The following ACOT12 variants were observed in gnomAD, a reference collection of about 807,000 sequenced individuals.
ACOT12 encodes the protein acyl-CoA thioesterase 12, also known as acetyl-coenzyme A thioesterase.
ACOT12 carries 51 observed loss-of-function variants against 67.7 expected under a neutral mutation model. That is an observed-to-expected ratio of 0.75 (90% CI 0.60 to 0.95). The LOEUF is 0.95. ACOT12 is among the 40% of genes least tolerant of loss of function. The pLI, the probability that ACOT12 is intolerant of heterozygous loss-of-function variation, is 0.00. For missense variants in ACOT12, 734 were observed against 708.1 expected (o/e 1.04, Z -0.41); for synonymous variants, 251 against 244.6 (o/e 1.03, Z -0.24).
At chr5:81,354,353 G>C (rs977590462) in intron 5 of ACOT12, among the ~76,000 whole-genome samples, 1 of 152,164 alleles carries the variant, frequency 6.6e-6, no homozygotes, top group Non-Finnish European at 1.5e-5. Flanking sequence ...CACTAATTTA[G>C]ACTATCTCCA....
intron 3 of ACOT12, among the ~76,000 whole-genome samples, chr5:81,369,581 G>C (rs1410486398): frequency 6.6e-6 from 1 of 152,214 alleles, no homozygotes; most frequent in Non-Finnish European, 1.5e-5. Flanking sequence ...AGATGAAAGA[G>C]AACAAAATTC....
At position 81,345,953 on chromosome 5, in the gene ACOT12, G is replaced by T. The variant is rs1759367629; in HGVS notation, c.705C>A (p.Phe235Leu). Residue 235 changes from phenylalanine (F) to leucine (L), a missense_variant, in exon 7 of 15, where the codon TTC becomes TTA. Phe to Leu is a conservative substitution (Grantham distance 22, BLOSUM62 0). Coordinates refer to ENST00000307624, the MANE Select transcript of ACOT12 (RefSeq NM_130767.3). ...GATCTCCAACTGTAGATGGTCCCCG[G>T]AACTTAAACATATCTACGGACTTCA... is the stretch of plus-strand genomic sequence containing the variant. ...PFLKSVDMFK[F>L]RGPSTVGDRL... is the part of the protein sequence containing the mutation. 1 of 1,613,906 alleles carries T rather than the reference G, an allele frequency of 6.2e-7. No homozygotes were observed. The highest frequency in any genetic ancestry group is 1.1e-5 in the South Asian group (1 of 91,078).
the ACOT12 span, among the ~76,000 whole-genome samples, chr5:81,315,917 T>G: frequency 6.6e-6 from 1 of 152,238 alleles, no homozygotes; most frequent in Admixed American, 6.5e-5. Flanking sequence ...CCATATTAAG[T>G]TATTTATTAT....
chr5:81,331,441 G>A (rs905406196), intron 13 of ACOT12, among the ~76,000 whole-genome samples: 32 of 152,332 alleles, frequency 2.1e-4, no homozygotes, highest in African/African-American at 7.0e-4. Flanking sequence ...GGAGGCTGAG[G>A]CAGGAGAATC....
At chr5:81,367,635 G>A (rs1384158628) in intron 3 of ACOT12, among the ~76,000 whole-genome samples, 1 of 152,106 alleles carries the variant, frequency 6.6e-6, no homozygotes, top group Non-Finnish European at 1.5e-5. Flanking sequence ...TCTAAAAAAT[G>A]CAGGAAAAGA....
rs1760263119 is a variant in ACOT12 at position 81,371,817 on chromosome 5, A to G, written c.198-7T>C. ...GGTTATAACTTGTCCAACTCTAGGG[A>G]AAAACAAACAAAAAAACCTCAGTAG... On this transcript the variant is annotated splice_polypyrimidine_tract_variant and splice_region_variant and intron_variant, in intron 2 of 14. Coordinates refer to ENST00000307624, the MANE Select transcript of ACOT12 (RefSeq NM_130767.3). 6.2e-7 allele frequency: 1 copy of G among 1,612,964 alleles called. No individual in the cohort carries two copies. Among genetic ancestry groups the G allele is most frequent in the African/African-American group, 1.3e-5 (1 of 74,906 alleles).
At position 81,330,378 on chromosome 5, in the gene ACOT12, A is replaced by G. The variant is rs1758774748; in HGVS notation, c.*16T>C. On this transcript the variant is annotated 3_prime_UTR_variant, in exon 15 of 15. Transcript: ENST00000307624. Reference sequence around the variant, plus strand: ...AAAAGTGGGAAATTAAATTACCAGTAATTGAAAGTTGACCTTTAAAATGTG... The same window carrying G: ...AAAAGTGGGAAATTAAATTACCAGTGATTGAAAGTTGACCTTTAAAATGTG... The G allele has an allele frequency of 6.2e-7, 1 of 1,602,800 alleles. No individual in the cohort carries two copies. The highest frequency in any genetic ancestry group is 1.3e-5 in the African/African-American group (1 of 74,486).
intron 2 of ACOT12, among the ~76,000 whole-genome samples, chr5:81,374,830 A>G (rs1760360781): frequency 1.3e-5 from 2 of 152,208 alleles, no homozygotes; most frequent in African/African-American, 2.4e-5. Flanking sequence ...TCCAAGAAAT[A>G]TAGTACTATG....
intron 2 of ACOT12, among the ~76,000 whole-genome samples, chr5:81,384,364 C>T (rs992244153): frequency 2.6e-5 from 4 of 151,950 alleles, no homozygotes; most frequent in Admixed American, 2.6e-4. Flanking sequence ...TTTTGAACTG[C>T]TGACCTCAGG....
chr5:81,360,136 ACT>A, intron 4 of ACOT12, 98 bp from the exon 5 acceptor site: 1 of 1,259,172 alleles, frequency 7.9e-7, no homozygotes, highest in Non-Finnish European at 1.1e-6. Context: ...TGGTTTTCTA[ACT>A]CAAGTAAATA....
the ACOT12 span, among the ~76,000 whole-genome samples, chr5:81,318,522 T>C: frequency 1.3e-5 from 2 of 152,192 alleles, no homozygotes; most frequent in African/African-American, 4.8e-5. Context: ...CTCTTCTCTA[T>C]TTTCCCTTAT....
At chr5:81,375,821 G>A (rs1483105324) in intron 2 of ACOT12, among the ~76,000 whole-genome samples, 1 of 152,106 alleles carries the variant, frequency 6.6e-6, no homozygotes, top group Non-Finnish European at 1.5e-5. Flanking sequence ...CAATACAGGA[G>A]CACCCAGATT....
chr5:81,319,297 T>C, the ACOT12 span, among the ~76,000 whole-genome samples: 2 of 152,256 alleles, frequency 1.3e-5, no homozygotes, highest in African/African-American at 4.8e-5. Context: ...ACAACTGTAT[T>C]GTGATATAAT....
At chr5:81,311,241 A>T in the ACOT12 span, 4 of 1,614,116 alleles carry the variant, frequency 2.5e-6, no homozygotes, top group African/African-American at 1.3e-5. Flanking sequence ...GGCTCTGTGG[A>T]ACATTTAAAG....
chr5:81,342,482 A>G (rs1434792778), intron 11 of ACOT12, among the ~76,000 whole-genome samples, 190 bp downstream of exon 11: 2 of 152,158 alleles, frequency 1.3e-5, no homozygotes, highest in Non-Finnish European at 2.9e-5. Flanking sequence ...CATGTTGGGT[A>G]TATTTGAAGG....
the ACOT12 span, among the ~76,000 whole-genome samples, chr5:81,311,506 T>G: frequency 6.6e-6 from 1 of 152,310 alleles, no homozygotes; most frequent in South Asian, 2.1e-4. Context: ...ACCCTGACTT[T>G]ATAAGACACC....
chr5:81,383,818 GC>G (rs1760654281), intron 2 of ACOT12, among the ~76,000 whole-genome samples: 1 of 151,816 alleles, frequency 6.6e-6, no homozygotes, highest in East Asian at 1.9e-4. Context: ...TTTTTAAACA[GC>G]TCTATAAAAG....
intron 3 of ACOT12, among the ~76,000 whole-genome samples, chr5:81,367,392 A>C (rs756118478): frequency 6.6e-6 from 1 of 152,232 alleles, no homozygotes; most frequent in Non-Finnish European, 1.5e-5. Flanking sequence ...ACATATGTGC[A>C]TGTAAAAGGC....
intron 3 of ACOT12, among the ~76,000 whole-genome samples, chr5:81,369,851 C>T (rs1201475726): frequency 6.6e-6 from 1 of 152,202 alleles, no homozygotes; most frequent in African/African-American, 2.4e-5. Flanking sequence ...CTCCTGTGTG[C>T]AAAGGCTAAG....
Sources: gnomAD v4.1 joint callset for allele counts (sites outside exome capture counted in the v4.1 genomes callset) on GRCh38, gnomAD v4.1.1 for gene constraint, MANE v1.5 for transcripts, NCBI Gene and HGNC (gene_info 2026-07-23, HGNC 2026-07-21) for gene names.